Variants in RELCH observed in about 807,000 individuals in gnomAD.
The protein encoded by RELCH is RAB11 binding and LisH domain, coiled-coil and HEAT repeat containing.
In RELCH, 41 loss-of-function variants were observed where a neutral mutation model predicts 150.3. That is an observed-to-expected ratio of 0.27 (90% CI 0.21 to 0.35). The LOEUF (loss-of-function observed/expected upper bound fraction) is 0.35, where lower values mean the gene tolerates loss of function less well. Among genes scored for constraint, RELCH ranks in the 10% least tolerant of loss-of-function variants. The pLI, the probability that RELCH is intolerant of heterozygous loss-of-function variation, is 1.00. For synonymous variants in RELCH, 478 were observed against 531.8 expected (o/e 0.90, Z 1.39); for missense variants, 1,092 against 1,467.8 (o/e 0.74, Z 4.18).
chr18:62,298,943 C>A, intron 28 of RELCH, 83 bp downstream of exon 28: 2 of 741,520 alleles, frequency 2.7e-6, no homozygotes, highest in South Asian at 3.4e-5. Context: ...TGTAATGTGT[C>A]ATTTTGTGTT....
At chr18:62,248,747 T>G (rs1189277858) in intron 11 of RELCH, among the ~76,000 whole-genome samples, 1 of 152,212 alleles carries the variant, frequency 6.6e-6, no homozygotes, top group Non-Finnish European at 1.5e-5. Context: ...ACCATTGCTG[T>G]GTGGCTAAAG....
At chr18:62,189,065 A>G (rs906823478) in intron 1 of RELCH, among the ~76,000 whole-genome samples, 6 of 152,042 alleles carry the variant, frequency 3.9e-5, no homozygotes, top group Non-Finnish European at 1.5e-5. Context: ...TAGGGAGTGC[A>G]TTTTCTATCA....
Position 62,275,426 on chromosome 18 carries a change from G to T in RELCH, c.2920G>T (p.Val974Phe). The T allele has an allele frequency of 1.3e-6, 2 of 1,598,380 alleles. No homozygotes were observed. The highest frequency in any genetic ancestry group is 1.7e-6 in the Non-Finnish European group (2 of 1,173,720). ...LLLTVLWYGV[V>F]HTSALVRCTA... Reference sequence around the variant, plus strand: ...ATTAACTGTTTTGTGGTATGGTGTTGTCCATACTTCAGCACTCGTGAGGTG... The same window carrying T: ...ATTAACTGTTTTGTGGTATGGTGTTTTCCATACTTCAGCACTCGTGAGGTG... Residue 974 changes from valine (V) to phenylalanine (F), a missense_variant, in exon 22 of 29, where the codon GTC becomes TTC. Coordinates refer to ENST00000644646, the MANE Select transcript of RELCH (RefSeq NM_001346231.2).
At position 62,280,690 on chromosome 18, in the gene RELCH, A is replaced by G. The variant is rs1255128745; in HGVS notation, c.3095A>G (p.Glu1032Gly). Residue 1032 changes from glutamate to glycine, a missense_variant, in exon 24 of 29, where the codon GAA (glutamate) becomes GGA (glycine). Coordinates refer to ENST00000644646, the MANE Select transcript of RELCH (RefSeq NM_001346231.2). ...ATIPAFGTIM[E>G]TVIQRELLER... ...ATTCCAGCCTTTGGCACTATTATGG[A>G]AACAGTAATTCAAAGAGAGGTAGGA... The G allele has an allele frequency of 6.2e-7, 1 of 1,608,084 alleles. No individual in the cohort carries two copies. Among genetic ancestry groups the G allele is most frequent in the South Asian group, 1.1e-5 (1 of 90,926 alleles).
At chr18:62,295,313 GGT>G (rs2045351684) in intron 27 of RELCH, among the ~76,000 whole-genome samples, 1 of 144,074 alleles carries the variant, frequency 6.9e-6, no homozygotes, top group Non-Finnish European at 1.5e-5. Flanking sequence ...TCCCCAGCCT[GGT>G]GTGTTTTTTT....
intron 22 of RELCH, 116 bp downstream of exon 22, chr18:62,275,589 A>G (rs556449660): frequency 4.3e-6 from 3 of 690,016 alleles, no homozygotes; most frequent in East Asian, 2.7e-5. Context: ...GTTGATATAT[A>G]TTTTATGGCT....
In RELCH at chr18:62,291,776, C is replaced by T. The variant is rs117705794; in HGVS notation, c.3459+145C>T. On this transcript the variant is annotated intron_variant, in intron 27 of 28. Transcript: ENST00000644646. ...ATTTTATCGATTTATTTACTAGATG[C>T]GATATCTTCAGCAACTCCTTTCACA... The T allele has an allele frequency of 9.0e-3, 5,274 of 587,850 alleles. 36 individuals carry two copies. The highest frequency in any genetic ancestry group is 0.016 in the South Asian group (779 of 47,570). 36.4% of individuals were successfully genotyped at this position (587,850 alleles called of 1,614,324 possible). A position where few individuals can be genotyped will look rare whatever the true frequency, so the allele number is the denominator to read the frequency against.
At chr18:62,248,658 T>G (rs750197303) in intron 11 of RELCH, among the ~76,000 whole-genome samples, 3 of 152,252 alleles carry the variant, frequency 2.0e-5, no homozygotes, top group Non-Finnish European at 4.4e-5. Flanking sequence ...ATGGTTATGC[T>G]TTATTAAAAA....
chr18:62,291,709 G>T, intron 27 of RELCH, 78 bp downstream of exon 27: 1 of 901,632 alleles, frequency 1.1e-6, no homozygotes, highest in Non-Finnish European at 1.7e-6. Flanking sequence ...TCTATGTGAG[G>T]CTTATGATAT....
intron 18 of RELCH, 47 bp from the exon 19 acceptor site, chr18:62,266,654 G>A (rs1404068576): frequency 8.4e-7 from 1 of 1,193,806 alleles, no homozygotes; most frequent in Non-Finnish European, 1.2e-6. Flanking sequence ...TAATCAATTT[G>A]CCCATTGAAC....
At chr18:62,214,993 T>C (rs1293182237) in intron 2 of RELCH, among the ~76,000 whole-genome samples, 2 of 152,156 alleles carry the variant, frequency 1.3e-5, no homozygotes, top group Non-Finnish European at 2.9e-5. Flanking sequence ...CCTGGCTTCC[T>C]TCTACTCATA....
In RELCH at chr18:62,291,393, T is replaced by C. The variant is rs144599158; in HGVS notation, c.3371-150T>C. 6.2e-6 allele frequency: 3 copies of C among 480,868 alleles called. No homozygotes were observed. The East Asian group carries it at 1.1e-4, about 17-fold the overall frequency. The allele number at this position is 480,868 out of a possible 1,614,324, so 29.8% of individuals were successfully genotyped here. On this transcript the variant is annotated intron_variant, in intron 26 of 28. Coordinates refer to ENST00000644646, the MANE Select transcript of RELCH (RefSeq NM_001346231.2). ...AATAACTTACTCTGCAAATGAGGAT[T>C]CATGCTTGAGGGGAGCCTGTTTACC...
Position 62,252,722 on chromosome 18 carries a change from G to C in RELCH, c.1792G>C (p.Glu598Gln). The C allele has an allele frequency of 6.2e-7, 1 of 1,613,872 alleles. No homozygotes were observed. The highest frequency in any genetic ancestry group is 8.5e-7 in the Non-Finnish European group (1 of 1,179,828). ...FARHVGPTRV[E>Q]AELLPQCWEQ... The stretch of plus-strand genomic sequence containing the variant: ...GCGTCATGTTGGACCAACACGTGTA[G>C]AAGCTGAACTTTTACCACAGTGTTG... The change falls in exon 12 of 29, where the codon GAA becomes CAA. Residue 598 changes from glutamate to glutamine, a missense_variant. Coordinates refer to ENST00000644646, the MANE Select transcript of RELCH (RefSeq NM_001346231.2).
intron 2 of RELCH, 139 bp from the exon 3 acceptor site, chr18:62,220,898 T>G (rs1381472727): frequency 1.5e-5 from 11 of 737,492 alleles, no homozygotes; most frequent in African/African-American, 3.6e-5. Context: ...TTCACAAGTT[T>G]CATAAAGATT....
intron 27 of RELCH, among the ~76,000 whole-genome samples, chr18:62,292,571 A>G (rs1401830613): frequency 6.6e-6 from 1 of 152,160 alleles, no homozygotes; most frequent in African/African-American, 2.4e-5. Flanking sequence ...ATAGAACTTC[A>G]TGGCTCACTG....
chr18:62,282,050 C>A (rs1349051999), intron 24 of RELCH, among the ~76,000 whole-genome samples: 2 of 151,762 alleles, frequency 1.3e-5, no homozygotes, highest in Non-Finnish European at 2.9e-5. Flanking sequence ...GATTTTTTTT[C>A]TTTTGTTGTT....
chr18:62,297,753 A>G (rs2045479103), intron 27 of RELCH, among the ~76,000 whole-genome samples: 1 of 152,162 alleles, frequency 6.6e-6, no homozygotes, highest in East Asian at 1.9e-4. Flanking sequence ...CTCACCCTGC[A>G]CCAACTCTGT....
chr18:62,263,983 G>A lies in RELCH; in HGVS notation c.2351-6G>A, dbSNP rs1467738716. 27 of 1,602,982 alleles carry A rather than the reference G, an allele frequency of 1.7e-5. No individual in the cohort carries two copies. Among genetic ancestry groups the A allele is most frequent in the Non-Finnish European group, 2.3e-5 (27 of 1,175,444 alleles). The stretch of plus-strand genomic sequence containing the variant: ...ATATGATTTATTTTGCTTCTTTTAT[G>A]TGTAGTGACTAGGTTTCCTCGGCCT... On this transcript the variant is annotated splice_polypyrimidine_tract_variant and splice_region_variant and intron_variant, in intron 16 of 28. Transcript: ENST00000644646.
intron 11 of RELCH, among the ~76,000 whole-genome samples, chr18:62,248,001 T>C (rs1300794054): frequency 6.6e-6 from 1 of 152,168 alleles, no homozygotes; most frequent in African/African-American, 2.4e-5. Context: ...AATGTATATG[T>C]TCCTGCAATA....
Sources: allele counts gnomAD v4.1 joint callset (sites outside exome capture counted in the v4.1 genomes callset), GRCh38; gene constraint gnomAD v4.1.1; transcripts MANE v1.5; gene names NCBI Gene and HGNC (gene_info 2026-07-23, HGNC 2026-07-21).